SEC14L6: variants seen among roughly 807,000 people sequenced by gnomAD.
The protein encoded by SEC14L6 is SEC14-like protein 6.
SEC14L6 carries 40 observed loss-of-function variants against 54.1 expected under a neutral mutation model. The observed-to-expected ratio is 0.74, with a 90% CI of 0.57 to 0.96. The LOEUF (loss-of-function observed/expected upper bound fraction) is 0.96. Among genes scored for constraint, SEC14L6 ranks in the 40% least tolerant of loss-of-function variants. SEC14L6 has a pLI of 0.00. For synonymous variants in SEC14L6, 171 were observed against 198.4 expected (o/e 0.86, Z 1.16); for missense variants, 471 against 498.3 (o/e 0.95, Z 0.52).
chr22:30,546,226 T>G (rs535378701), intron 1 of SEC14L6, among the ~76,000 whole-genome samples: 4 of 151,374 alleles, frequency 2.6e-5, no homozygotes, highest in Non-Finnish European at 5.9e-5. Flanking sequence ...TCTACTAACA[T>G]ACAAAAATTA....
chr22:30,542,810 A>G (rs954540831), intron 1 of SEC14L6: 36 of 1,594,126 alleles, frequency 2.3e-5, no homozygotes, highest in Non-Finnish European at 3.0e-5. Context: ...AAATTAATCT[A>G]CCATCAAAAA....
chr22:30,524,419 A>G lies in SEC14L6; in HGVS notation c.*578T>C, dbSNP rs543246038. The stretch of plus-strand genomic sequence containing the variant: ...GAGACAGAGTCTCACTCTGTCACCC[A>G]GACTGGAGTGCAGTGGCATGATTTC... On this transcript the variant is annotated 3_prime_UTR_variant, in exon 12 of 12. Transcript: ENST00000402034. 3.0e-4 allele frequency: 46 copies of G among 152,380 alleles called. No individual in the cohort carries two copies. Among genetic ancestry groups the G allele is most frequent in the Middle Eastern group, 3.4e-3 (1 of 294 alleles). 9.4% of individuals were successfully genotyped at this position (152,380 alleles called of 1,614,324 possible). A position where few individuals can be genotyped will look rare whatever the true frequency, so the allele number is the denominator to read the frequency against.
At chr22:30,543,706 T>G in intron 1 of SEC14L6, 1 of 1,607,100 alleles carries the variant, frequency 6.2e-7, no homozygotes, top group South Asian at 1.1e-5. Context: ...GGGCGTGGTG[T>G]GCACCTTGCT....
intron 5 of SEC14L6, 167 bp from the exon 6 acceptor site, chr22:30,532,165 GA>G (rs1359799657): frequency 9.1e-6 from 9 of 985,332 alleles, no homozygotes; most frequent in Non-Finnish European, 1.1e-5. Flanking sequence ...GGACCGGAGT[GA>G]CCCAAGGACC....
At chr22:30,542,517 G>GC (rs1468749546) in intron 1 of SEC14L6, 4 of 872,154 alleles carry the variant, frequency 4.6e-6, no homozygotes, top group Non-Finnish European at 6.5e-6. Flanking sequence ...CCTCTGGGCA[G>GC]CCCCGGCGGC....
chr22:30,541,703 C>T (rs761176388), intron 1 of SEC14L6, among the ~76,000 whole-genome samples: 94 of 151,678 alleles, frequency 6.2e-4, no homozygotes, highest in Non-Finnish European at 9.6e-4. Context: ...GTGTGGTGTG[C>T]GTGCCTGTAG....
At chr22:30,526,043 G>T in intron 8 of SEC14L6, 111 bp from the exon 9 acceptor site, 1 of 1,315,112 alleles carries the variant, frequency 7.6e-7, no homozygotes, top group Non-Finnish European at 1.1e-6. Context: ...TCCCTGGCGC[G>T]CTTTTGCCAC....
chr22:30,535,320 T>C (rs9608972), intron 2 of SEC14L6, among the ~76,000 whole-genome samples: 27,578 of 152,224 alleles, frequency 0.18, 2,879 homozygotes, highest in Admixed American at 0.25. Context: ...GCCTGGTCCA[T>C]TGGCTCACTG....
At chr22:30,525,270 C>A in intron 11 of SEC14L6, 80 bp downstream of exon 11, 1 of 1,511,384 alleles carries the variant, frequency 6.6e-7, no homozygotes, top group Non-Finnish European at 9.0e-7. Flanking sequence ...GGGCCCTCAC[C>A]TGGTAGGACC....
In SEC14L6 at chr22:30,522,931, A is replaced by T. The variant is rs529579917; in HGVS notation, c.*2066T>A. On this transcript the variant is annotated 3_prime_UTR_variant, in exon 12 of 12. Transcript: ENST00000402034. ...TTACTCAGCAACGAAAAGCAACTAA[A>T]TATTAACACATGCAACAAAGTGAAT... is the stretch of plus-strand genomic sequence containing the variant. 1 of 152,350 alleles carries T rather than the reference A, an allele frequency of 6.6e-6. No individual in the cohort carries two copies. The highest frequency in any genetic ancestry group is 2.1e-4 in the South Asian group (1 of 4,826). The allele number at this position is 152,350 out of a possible 1,614,324, so 9.4% of individuals were successfully genotyped here.
intron 6 of SEC14L6, among the ~76,000 whole-genome samples, chr22:30,531,580 C>T (rs896398960): frequency 1.1e-4 from 16 of 152,194 alleles, no homozygotes; most frequent in Admixed American, 6.5e-4. Flanking sequence ...CAAAATTAGC[C>T]AGGCATGGTG....
chr22:30,528,253 C>T (rs549040129), intron 8 of SEC14L6, among the ~76,000 whole-genome samples: 188 of 151,214 alleles, frequency 1.2e-3, no homozygotes, highest in Middle Eastern at 0.01. Context: ...TCCCGAGTAG[C>T]TGGGATTACA....
chr22:30,527,012 C>T (rs140322414), intron 8 of SEC14L6, among the ~76,000 whole-genome samples: 125 of 151,934 alleles, frequency 8.2e-4, no homozygotes, highest in African/African-American at 2.9e-3. Flanking sequence ...GCAGGAGGAT[C>T]GCTAGAGCCC....
intron 2 of SEC14L6, among the ~76,000 whole-genome samples, chr22:30,536,953 G>A (rs1156745192): frequency 1.3e-5 from 2 of 151,170 alleles, no homozygotes; most frequent in Non-Finnish European, 2.9e-5. Flanking sequence ...GAGCCCAGGA[G>A]GCGGAGGTTA....
intron 1 of SEC14L6, among the ~76,000 whole-genome samples, chr22:30,540,436 C>T (rs1279417068): frequency 1.4e-5 from 2 of 141,634 alleles, no homozygotes; most frequent in Non-Finnish European, 3.0e-5. Context: ...AATTACTTGG[C>T]CAGGTGAGGT....
In SEC14L6 at chr22:30,531,909, G is replaced by A. The variant is rs1350135400; in HGVS notation, c.513C>T (p.Leu171=). ...CCTGGCGGGGTCACCTCACCTCCTG[G>A]AGAAGCTCTATTCCTGGCTTCCACA... The part of the protein sequence containing the change: ...RDLWKPGIEL[L]QEFFSALEAN... Residue 171 remains leucine, a synonymous_variant, in exon 6 of 12, where the codon CTC becomes CTT. Transcript: ENST00000402034. The A allele has an allele frequency of 6.5e-7, 1 of 1,550,248 alleles. No homozygotes were observed. Among genetic ancestry groups the A allele is most frequent in the Admixed American group, 2.0e-5 (1 of 50,970 alleles).
chr22:30,533,744 C>G (rs1308048858), intron 3 of SEC14L6, among the ~76,000 whole-genome samples: 1 of 152,190 alleles, frequency 6.6e-6, no homozygotes, highest in Non-Finnish European at 1.5e-5. Context: ...TTCCCTCCTT[C>G]CCTGTTTTGC....
rs2085803803 is a variant in SEC14L6, at chr22:30,546,716, G to A, written c.-34C>T. The A allele has an allele frequency of 6.5e-7, 1 of 1,543,132 alleles. No individual in the cohort carries two copies. The highest frequency in any genetic ancestry group is 2.4e-5 in the East Asian group (1 of 40,842). ...TGAATGGGTCCAGGCTCCACTCTGT[G>A]GCTCCCTCCAGGTGGCCTGCCTTTT... On this transcript the variant is annotated 5_prime_UTR_variant, in exon 1 of 12. Coordinates refer to ENST00000402034, the MANE Select transcript of SEC14L6 (RefSeq NM_001193336.4).
At chr22:30,540,972 T>C (rs549590290) in intron 1 of SEC14L6, among the ~76,000 whole-genome samples, 1 of 151,416 alleles carries the variant, frequency 6.6e-6, no homozygotes, top group African/African-American at 2.4e-5. Context: ...TGAGCTGAGA[T>C]TGCACCACTG....
Sources: allele counts gnomAD v4.1 joint callset (sites outside exome capture counted in the v4.1 genomes callset), GRCh38; gene constraint gnomAD v4.1.1; transcripts MANE v1.5; gene names NCBI Gene and HGNC (gene_info 2026-07-23, HGNC 2026-07-21).